Variants in SPMIP11 observed in about 807,000 individuals in gnomAD.
SPMIP11 encodes sperm microtubule inner protein 11.
chr12:48,768,317 T>TC, the SPMIP11 span: 1 of 516,242 alleles, frequency 1.9e-6, no homozygotes, highest in Non-Finnish European at 3.5e-6. Context: ...TACTGACCCC[T>TC]CCCCTGCTCC....
the SPMIP11 span, among the ~76,000 whole-genome samples, chr12:48,742,083 A>T: frequency 1.3e-5 from 2 of 151,912 alleles, no homozygotes; most frequent in African/African-American, 2.4e-5. Context: ...CTACAATTTT[A>T]AAAAAAATTT....
At chr12:48,768,122 G>A in the SPMIP11 span, 1 of 206,608 alleles carries the variant, frequency 4.8e-6, no homozygotes, top group Non-Finnish European at 9.9e-6. Context: ...GTATTGCAAA[G>A]GCAAGCATGG....
the SPMIP11 span, among the ~76,000 whole-genome samples, chr12:48,741,726 G>C: frequency 6.7e-6 from 1 of 149,144 alleles, no homozygotes; most frequent in Non-Finnish European, 1.5e-5. Flanking sequence ...TTACTGCCTT[G>C]ACCTCCAGAC....
At chr12:48,761,719 CTTTTTTT>C in the SPMIP11 span, among the ~76,000 whole-genome samples, 28 of 95,258 alleles carry the variant, frequency 2.9e-4, no homozygotes, top group African/African-American at 8.4e-4. Context: ...ATATAACATT[CTTTTTTT>C]TTTTTTTTTT....
chr12:48,730,477 G>A, the SPMIP11 span, among the ~76,000 whole-genome samples: 1 of 152,142 alleles, frequency 6.6e-6, no homozygotes, highest in Non-Finnish European at 1.5e-5. Context: ...CAACTTGCCA[G>A]TTTCTAATTA....
At chr12:48,765,651 A>G in the SPMIP11 span, 22 of 702,862 alleles carry the variant, frequency 3.1e-5, no homozygotes, top group Non-Finnish European at 4.2e-5. Context: ...TTCAGTCTGT[A>G]TTAAGAAGAT....
At chr12:48,756,771 C>CTTTCT in the SPMIP11 span, among the ~76,000 whole-genome samples, 28 of 108,718 alleles carry the variant, frequency 2.6e-4, 2 homozygotes, top group Non-Finnish European at 3.8e-4. Context: ...ATTTTTTTTT[C>CTTTCT]TTTTTTTCTT....
chr12:48,735,366 G>A, the SPMIP11 span, among the ~76,000 whole-genome samples: 16 of 152,140 alleles, frequency 1.1e-4, no homozygotes, highest in African/African-American at 1.4e-4. Context: ...CCAACTCTTC[G>A]GGAGGCCGAG....
the SPMIP11 span, among the ~76,000 whole-genome samples, chr12:48,761,489 G>T: frequency 6.6e-6 from 1 of 150,572 alleles, no homozygotes; most frequent in Admixed American, 6.6e-5. Context: ...GTGCTCGCCT[G>T]CAGTCCCAGC....
the SPMIP11 span, among the ~76,000 whole-genome samples, chr12:48,760,479 A>G: frequency 6.9e-6 from 1 of 144,780 alleles, no homozygotes; most frequent in African/African-American, 2.6e-5. Context: ...CACCCAGCCC[A>G]TTTACCCTTT....
At chr12:48,752,778 T>C in the SPMIP11 span, among the ~76,000 whole-genome samples, 1 of 151,684 alleles carries the variant, frequency 6.6e-6, no homozygotes, top group African/African-American at 2.4e-5. Flanking sequence ...TTCAAGCGAT[T>C]CTCCTGCCTC....
chr12:48,728,898 A>T, the SPMIP11 span, among the ~76,000 whole-genome samples: 1 of 152,178 alleles, frequency 6.6e-6, no homozygotes, highest in Non-Finnish European at 1.5e-5. Context: ...AGCCATGCTA[A>T]GCATTTTAAC....
At chr12:48,737,104 C>T in the SPMIP11 span, among the ~76,000 whole-genome samples, 52 of 152,122 alleles carry the variant, frequency 3.4e-4, no homozygotes, top group South Asian at 0.01. Flanking sequence ...CACACACCAC[C>T]ATGCCTGGCT....
chr12:48,770,950 G>A, the SPMIP11 span: 1 of 1,614,082 alleles, frequency 6.2e-7, no homozygotes, highest in Non-Finnish European at 8.5e-7. Context: ...CCAGCTGCCG[G>A]AACCGCTCCT....
At chr12:48,744,387 CAG>C in the SPMIP11 span, among the ~76,000 whole-genome samples, 3 of 152,040 alleles carry the variant, frequency 2.0e-5, no homozygotes, top group Non-Finnish European at 4.4e-5. Flanking sequence ...GCCTGGGTGA[CAG>C]AGTGAGACTC....
At chr12:48,764,932 C>T in the SPMIP11 span, 1 of 702,922 alleles carries the variant, frequency 1.4e-6, no homozygotes, top group East Asian at 2.7e-5. Flanking sequence ...GGAGTGCGTC[C>T]AGAGGAAACC....
chr12:48,736,506 C>T, the SPMIP11 span, among the ~76,000 whole-genome samples: 1 of 151,372 alleles, frequency 6.6e-6, no homozygotes, highest in Non-Finnish European at 1.5e-5. Context: ...AATACTTCAA[C>T]AGCTCTGCCA....
the SPMIP11 span, among the ~76,000 whole-genome samples, chr12:48,749,512 C>A: frequency 6.7e-6 from 1 of 149,888 alleles, no homozygotes; most frequent in Non-Finnish European, 1.5e-5. Flanking sequence ...CCTGTAATCC[C>A]AGCTACTCAG....
chr12:48,771,049 G>T, the SPMIP11 span: 9 of 1,381,476 alleles, frequency 6.5e-6, no homozygotes, highest in South Asian at 8.9e-5. This position sits in a 1 kb window ranked among gnomAD's most constrained non-coding sequence, Gnocchi z 4.3. Flanking sequence ...TTCTTGCCAC[G>T]CCTTGGCTGC....
Sources: allele counts gnomAD v4.1 joint callset (sites outside exome capture counted in the v4.1 genomes callset), GRCh38; gene constraint gnomAD v4.1.1; non-coding constraint Gnocchi (gnomAD v3.1); transcripts MANE v1.5; gene names NCBI Gene and HGNC (gene_info 2026-07-23, HGNC 2026-07-21).